Variants in FYB1 observed in about 807,000 individuals in gnomAD.
The protein encoded by FYB1 is FYN-binding protein 1.
FYB1 carries 41 observed loss-of-function variants against 94.1 expected under a neutral mutation model. That is an observed-to-expected ratio of 0.44 (90% CI 0.34 to 0.57). The LOEUF (loss-of-function observed/expected upper bound fraction) is 0.57. Among genes scored for constraint, FYB1 ranks in the 20% least tolerant of loss-of-function variants. FYB1 has a pLI of 0.02. For missense variants in FYB1, 1,050 were observed against 976.8 expected, an observed-to-expected ratio of 1.07 and a Z score of -1.00; for synonymous variants, 367 against 353.2, an observed-to-expected ratio of 1.04 and a Z score of -0.44.
At chr5:39,153,720 T>C in intron 2 of FYB1, 116 bp from the exon 3 acceptor site, 1 of 822,250 alleles carries the variant, frequency 1.2e-6, no homozygotes, top group East Asian at 2.7e-5. Context: ...AACAACTGGC[T>C]ATATGGAATT....
In FYB1 at chr5:39,153,714, A is replaced by C. The variant is rs1261462523; in HGVS notation, c.1136-110T>G. 6.8e-6 allele frequency: 6 copies of C among 881,268 alleles called. No individual in the cohort carries two copies. The Admixed American group carries it at 1.2e-4, about 17-fold the overall frequency. The allele number at this position is 881,268 out of a possible 1,614,324, so 54.6% of individuals were successfully genotyped here. A position where few individuals can be genotyped will look rare whatever the true frequency, so the allele number is the denominator to read the frequency against. Reference sequence around the variant, plus strand: ...TAAAATAATTTGGCAAAAATTAACAACTGGCTATATGGAATTTTCAATAAA... The same window carrying C: ...TAAAATAATTTGGCAAAAATTAACACCTGGCTATATGGAATTTTCAATAAA... On this transcript the variant is annotated intron_variant, in intron 2 of 18. Transcript: ENST00000512982.
At chr5:39,220,035 G>C (rs571757023), upstream of FYB1, among the ~76,000 whole-genome samples, 1 of 152,292 alleles carries the variant, frequency 6.6e-6, no homozygotes, top group Non-Finnish European at 1.5e-5. Flanking sequence ...AAGCCCACTA[G>C]ACTCACTCTG....
intron 16 of FYB1, among the ~76,000 whole-genome samples, chr5:39,118,586 C>T (rs1489193938): frequency 6.6e-6 from 1 of 152,114 alleles, no homozygotes; most frequent in Non-Finnish European, 1.5e-5. Context: ...CACGCAAGGG[C>T]TTTCTGATGC....
chr5:39,175,658 C>A (rs545560519), intron 2 of FYB1, among the ~76,000 whole-genome samples: 124 of 152,198 alleles, frequency 8.1e-4, no homozygotes, highest in Non-Finnish European at 1.5e-3. Context: ...AGGCTCCTAA[C>A]TACCCAGTAT....
intron 2 of FYB1, among the ~76,000 whole-genome samples, chr5:39,166,329 G>T (rs909517969): frequency 6.6e-5 from 10 of 152,094 alleles, no homozygotes; most frequent in Admixed American, 6.5e-4. Flanking sequence ...TCAGCTACTC[G>T]GGAGGCTGAG....
intron 2 of FYB1, among the ~76,000 whole-genome samples, chr5:39,197,723 C>G (rs995516560): frequency 7.2e-5 from 11 of 152,224 alleles, no homozygotes; most frequent in African/African-American, 2.7e-4. Context: ...GAGTCAGATG[C>G]CTTCGCTTGG....
At chr5:39,243,850 G>C (rs1097205) in intron 1 of FYB1, among the ~76,000 whole-genome samples, 25,538 of 151,858 alleles carry the variant, frequency 0.17, 5,737 homozygotes, top group African/African-American at 0.5. Context: ...TTGAAGAGGT[G>C]CTTCACATCC....
intron 4 of FYB1, among the ~76,000 whole-genome samples, 167 bp downstream of exon 4, chr5:39,140,928 A>G (rs1355605072): frequency 6.6e-6 from 1 of 152,230 alleles, no homozygotes; most frequent in Non-Finnish European, 1.5e-5. Flanking sequence ...AAGGAGGAGA[A>G]AGGAAGTGAG....
intron 2 of FYB1, among the ~76,000 whole-genome samples, chr5:39,200,092 A>C (rs2150488970): frequency 6.6e-6 from 1 of 152,310 alleles, no homozygotes; most frequent in Non-Finnish European, 1.5e-5. Context: ...CAGGATTTAA[A>C]ATGTGAACTG....
At chr5:39,255,430 G>GTTTTTTT (rs113241046) in intron 1 of FYB1, among the ~76,000 whole-genome samples, 16 of 142,910 alleles carry the variant, frequency 1.1e-4, no homozygotes, top group African/African-American at 3.6e-4. Flanking sequence ...CCATTCACCT[G>GTTTTTTT]TTTTTTTTTT....
At chr5:39,164,513 T>G (rs570876724) in intron 2 of FYB1, among the ~76,000 whole-genome samples, 1 of 152,236 alleles carries the variant, frequency 6.6e-6, no homozygotes, top group South Asian at 2.1e-4. Flanking sequence ...CAACATCCAC[T>G]TCCCAGGTTC....
chr5:39,260,419 A>G (rs1752161926), intron 1 of FYB1, among the ~76,000 whole-genome samples: 1 of 152,180 alleles, frequency 6.6e-6, no homozygotes, highest in Non-Finnish European at 1.5e-5. Context: ...AACATTGACT[A>G]CTGGTCTCTT....
intron 1 of FYB1, among the ~76,000 whole-genome samples, chr5:39,230,946 C>T (rs748864259): frequency 2.0e-5 from 3 of 150,860 alleles, no homozygotes; most frequent in East Asian, 1.9e-4. Flanking sequence ...CCAGGCCAAC[C>T]GTAATAAAAA....
intron 2 of FYB1, among the ~76,000 whole-genome samples, chr5:39,177,893 C>T (rs2150414622): frequency 6.6e-6 from 1 of 152,316 alleles, no homozygotes; most frequent in East Asian, 1.9e-4. Context: ...GCTGTTCTCA[C>T]TCCGCTTCCC....
chr5:39,220,405 T>G (rs1321969220), upstream of FYB1, among the ~76,000 whole-genome samples: 3 of 119,032 alleles, frequency 2.5e-5, no homozygotes, highest in Non-Finnish European at 4.9e-5. Flanking sequence ...CAGAGCAAGA[T>G]CCTGTCTGAA....
intron 1 of FYB1, among the ~76,000 whole-genome samples, chr5:39,230,601 C>T (rs1468842935): frequency 6.6e-6 from 1 of 151,910 alleles, no homozygotes; most frequent in Non-Finnish European, 1.5e-5. Context: ...TATACATATT[C>T]TTCCACATCC....
chr5:39,254,037 T>G (rs1751838698), intron 1 of FYB1, among the ~76,000 whole-genome samples: 1 of 152,196 alleles, frequency 6.6e-6, no homozygotes, highest in African/African-American at 2.4e-5. Context: ...TTATTTTTTA[T>G]GGCTCCGTAG....
chr5:39,151,468 T>G (rs1743237833), intron 3 of FYB1, among the ~76,000 whole-genome samples: 1 of 152,112 alleles, frequency 6.6e-6, no homozygotes, highest in African/African-American at 2.4e-5. Flanking sequence ...TTTCAAATGC[T>G]TAGTAGAGAC....
At chr5:39,268,394 A>G (rs1382221729) in intron 1 of FYB1, among the ~76,000 whole-genome samples, 1 of 151,734 alleles carries the variant, frequency 6.6e-6, no homozygotes, top group Non-Finnish European at 1.5e-5. Flanking sequence ...GGCCTGGCTG[A>G]TTTATTTTTT....
Sources: gnomAD v4.1 joint callset for allele counts (sites outside exome capture counted in the v4.1 genomes callset) on GRCh38, gnomAD v4.1.1 for gene constraint, MANE v1.5 for transcripts, NCBI Gene and HGNC (gene_info 2026-07-23, HGNC 2026-07-21) for gene names.